ATXN7L1: variants seen among roughly 807,000 people sequenced by gnomAD.
The protein encoded by ATXN7L1 is ataxin-7-like protein 1.
ATXN7L1 carries 15 observed loss-of-function variants against 70.8 expected under a neutral mutation model. The ratio of observed to expected loss-of-function variants is 0.21; its 90% confidence interval spans 0.14 to 0.33. The LOEUF is 0.33. Ranked by LOEUF, ATXN7L1 falls within the 10% of genes least tolerant of loss-of-function variation. The probability of loss-of-function intolerance (pLI) is 1.00; values close to 1 mark genes in which losing one functional copy is unlikely to be tolerated. For missense variants in ATXN7L1, 975 were observed against 1,097.1 expected, an observed-to-expected ratio of 0.89 and a Z score of 1.57; for synonymous variants, 440 against 445.1, an observed-to-expected ratio of 0.99 and a Z score of 0.14.
chr7:105,817,530 G>A (rs1027786527), intron 2 of ATXN7L1, among the ~76,000 whole-genome samples: 2 of 152,112 alleles, frequency 1.3e-5, no homozygotes, highest in African/African-American at 2.4e-5. Context: ...AAAATATTAC[G>A]TGTGACTATT....
chr7:105,692,438 C>CTCCT (rs1791119134), intron 3 of ATXN7L1, among the ~76,000 whole-genome samples: 1 of 119,528 alleles, frequency 8.4e-6, no homozygotes, highest in African/African-American at 2.9e-5. Context: ...CCCTCCCTCC[C>CTCCT]TCCCTCCCTT....
chr7:105,868,497 G>GAA (rs1817803098), intron 2 of ATXN7L1, among the ~76,000 whole-genome samples: 1 of 152,224 alleles, frequency 6.6e-6, no homozygotes, highest in Non-Finnish European at 1.5e-5. Context: ...CACCAAAAGA[G>GAA]AACATGGCGA....
intron 3 of ATXN7L1, among the ~76,000 whole-genome samples, chr7:105,701,554 A>AC (rs1244604530): frequency 1.3e-5 from 2 of 152,174 alleles, no homozygotes; most frequent in East Asian, 3.8e-4. Flanking sequence ...CTTTGAAAAA[A>AC]ATAAAACTAT....
intron 2 of ATXN7L1, among the ~76,000 whole-genome samples, chr7:105,845,587 T>C (rs965711971): frequency 7.9e-5 from 12 of 151,906 alleles, no homozygotes; most frequent in Non-Finnish European, 2.9e-5. Context: ...AAGTTCCTAT[T>C]GTTTAAAGCC....
intron 9 of ATXN7L1, among the ~76,000 whole-genome samples, chr7:105,616,378 C>A (rs1022982899): frequency 6.6e-6 from 1 of 152,212 alleles, no homozygotes; most frequent in Admixed American, 6.5e-5. Flanking sequence ...TTTTGGCCTG[C>A]ACTTTGGTGG....
chr7:105,636,709 T>C lies in ATXN7L1; in HGVS notation c.1202+1644A>G, dbSNP rs145256051. Among the ~76,000 whole-genome samples the C allele has an allele frequency of 1.2e-3, 187 of 152,158 alleles. 1 individual carries two copies. The highest frequency in any genetic ancestry group is 4.3e-3 in the African/African-American group (177 of 41,498). On this transcript the variant is annotated intron_variant, in intron 7 of 11. Transcript: ENST00000419735. ...AGTGCCTCCATCAGTCAAAAATAGA[T>C]GGAGATTTGTATAGTCAAAGAAGGC...
chr7:105,855,144 G>A (rs910809728), intron 2 of ATXN7L1, among the ~76,000 whole-genome samples: 5 of 152,040 alleles, frequency 3.3e-5, no homozygotes, highest in African/African-American at 1.2e-4. Flanking sequence ...TAGTACAGAT[G>A]GGGTTTCACC....
intron 2 of ATXN7L1, among the ~76,000 whole-genome samples, chr7:105,835,291 A>C (rs952684166): frequency 6.0e-5 from 9 of 150,668 alleles, no homozygotes; most frequent in Admixed American, 1.3e-4. Context: ...AGAAGCTGGG[A>C]CTACAGGCGC....
intron 7 of ATXN7L1, among the ~76,000 whole-genome samples, chr7:105,628,839 A>AT (rs1796145495): frequency 6.8e-6 from 1 of 147,802 alleles, no homozygotes; most frequent in Non-Finnish European, 1.5e-5. Flanking sequence ...AAATAAATAA[A>AT]ATTGTGTATA....
intron 10 of ATXN7L1, 182 bp downstream of exon 10, chr7:105,613,680 G>A (rs778925656): frequency 2.3e-5 from 33 of 1,457,396 alleles, no homozygotes; most frequent in South Asian, 2.2e-4. Context: ...CATAGTGAGC[G>A]TGGTATCAAG....
At chr7:105,700,104 T>C (rs1792242373) in intron 3 of ATXN7L1, among the ~76,000 whole-genome samples, 1 of 152,304 alleles carries the variant, frequency 6.6e-6, no homozygotes, top group South Asian at 2.1e-4. Context: ...GCAGAGCTCA[T>C]GATACTGAGA....
chr7:105,652,919 ATCAC>A (rs1800069678), intron 4 of ATXN7L1, among the ~76,000 whole-genome samples: 2 of 152,196 alleles, frequency 1.3e-5, no homozygotes, highest in Admixed American at 6.5e-5. Context: ...TCCCCCAGGC[ATCAC>A]TCACTCACTC....
chr7:105,617,053 G>A (rs1794010107), intron 9 of ATXN7L1, among the ~76,000 whole-genome samples: 1 of 151,242 alleles, frequency 6.6e-6, no homozygotes, highest in Non-Finnish European at 1.5e-5. Flanking sequence ...TTTAGATGGA[G>A]TCTTGCTCTG....
At chr7:105,743,126 T>C (rs530328192) in intron 3 of ATXN7L1, among the ~76,000 whole-genome samples, 1 of 152,316 alleles carries the variant, frequency 6.6e-6, no homozygotes, top group African/African-American at 2.4e-5. Context: ...GCTTCTGTAA[T>C]TGATTTATAT....
chr7:105,613,545 G>T (rs1185145531), intron 10 of ATXN7L1: 3 of 1,282,602 alleles, frequency 2.3e-6, no homozygotes, highest in Admixed American at 6.8e-5. Flanking sequence ...GTGGAGTGGG[G>T]AACTCAGAAT....
intron 3 of ATXN7L1, among the ~76,000 whole-genome samples, chr7:105,734,584 G>C (rs1022189605): frequency 3.9e-5 from 6 of 151,928 alleles, no homozygotes; most frequent in African/African-American, 1.4e-4. Context: ...CTCCAGCTGA[G>C]GCTCTGTTGG....
At chr7:105,847,665 G>A (rs1306867597) in intron 2 of ATXN7L1, among the ~76,000 whole-genome samples, 1 of 152,206 alleles carries the variant, frequency 6.6e-6, no homozygotes, top group Admixed American at 6.5e-5. Context: ...TCCTGGCTCT[G>A]CCACTTATTA....
intron 5 of ATXN7L1, among the ~76,000 whole-genome samples, chr7:105,641,257 A>T (rs369800400): frequency 3.0e-5 from 3 of 99,592 alleles, no homozygotes; most frequent in Non-Finnish European, 4.2e-5. Flanking sequence ...CTTCACTTAG[A>T]AAAAAAACCT....
chr7:105,736,335 C>T (rs867126551), intron 3 of ATXN7L1, among the ~76,000 whole-genome samples: 26 of 152,192 alleles, frequency 1.7e-4, no homozygotes, highest in Middle Eastern at 3.2e-3. Flanking sequence ...CCTTGCAGCA[C>T]GATAATGAAC....
Sources: allele counts gnomAD v4.1 joint callset (sites outside exome capture counted in the v4.1 genomes callset), GRCh38; gene constraint gnomAD v4.1.1; transcripts MANE v1.5; gene names NCBI Gene and HGNC (gene_info 2026-07-23, HGNC 2026-07-21).